NARS1: variants seen among roughly 807,000 people sequenced by gnomAD.
The protein encoded by NARS1 is asparaginyl-tRNA synthetase 1.
A neutral mutation model predicts 79.2 loss-of-function variants in NARS1; 65 were observed. That is an observed-to-expected ratio of 0.82 (90% CI 0.67 to 1.01). NARS1 has a LOEUF of 1.01. NARS1 is among the 50% of genes least tolerant of loss of function. The pLI is 0.00. For synonymous variants in NARS1, 229 were observed against 238.8 expected (o/e 0.96, Z 0.38); for missense variants, 649 against 673.8 (o/e 0.96, Z 0.41).
chr18:57,618,253 C>T (rs570961446), intron 2 of NARS1, among the ~76,000 whole-genome samples: 1 of 145,362 alleles, frequency 6.9e-6, no homozygotes, highest in Non-Finnish European at 1.5e-5. Context: ...CATGCCACTG[C>T]ACTCCAGCCT....
Position 57,602,832 on chromosome 18 carries a change from C to A in NARS1, c.1363G>T (p.Asp455Tyr). The A allele has an allele frequency of 6.2e-7, 1 of 1,614,084 alleles. No homozygotes were observed. Residue 455 changes from aspartate (D) to tyrosine (Y), a missense_variant, in exon 12 of 14, where the codon GAT (aspartate) becomes TAT (tyrosine). Transcript: ENST00000256854. ...KSFYMQRCPEDSRLTESVDVL... is the reference protein window; with the variant it reads ...KSFYMQRCPEYSRLTESVDVL... ...CTGACAGATTCAGTAAGACGGGAAT[C>A]CTCAGGACATCGCTGCATGTAGAAG...
At chr18:57,611,773 T>TAA (rs1389679271) in intron 5 of NARS1, 66 bp from the exon 6 acceptor site, 6 of 870,694 alleles carry the variant, frequency 6.9e-6, no homozygotes, top group Non-Finnish European at 9.6e-6. Flanking sequence ...TATATATATA[T>TAA]AATTTTAAAG....
Position 57,620,799 on chromosome 18 carries a change from C to G in NARS1, c.11-148G>C, listed in dbSNP as rs1283390833. The G allele has an allele frequency of 3.3e-5, 16 of 483,182 alleles. No homozygotes were observed. In the East Asian group the frequency reaches 4.9e-4, roughly 15 times the overall value. The allele number at this position is 483,182 out of a possible 1,614,324, so 29.9% of individuals were successfully genotyped here. A position where few individuals can be genotyped will look rare whatever the true frequency, so the allele number is the denominator to read the frequency against. ...AGTAATTAATATCCTAGTTATTTCC[C>G]CACTCCATTTCAATAACATCCATCT... On this transcript the variant is annotated intron_variant, in intron 1 of 13. Transcript: ENST00000256854.
At chr18:57,615,240 C>T (rs564874473) in intron 4 of NARS1, among the ~76,000 whole-genome samples, 2 of 152,124 alleles carry the variant, frequency 1.3e-5, no homozygotes, top group African/African-American at 2.4e-5. Flanking sequence ...CAGTGGCTCA[C>T]GCCTGTAATC....
At chr18:57,607,970 C>T (rs1249099436) in intron 7 of NARS1, among the ~76,000 whole-genome samples, 1 of 151,474 alleles carries the variant, frequency 6.6e-6, no homozygotes, top group African/African-American at 2.4e-5. Context: ...TGGGTTCAAG[C>T]GATTCTCCTA....
intron 13 of NARS1, 111 bp downstream of exon 13, chr18:57,602,244 C>T (rs2051513375): frequency 1.0e-6 from 1 of 990,092 alleles, no homozygotes; most frequent in Non-Finnish European, 1.5e-6. Flanking sequence ...CTGAATATAG[C>T]TCATTCAAAT....
In NARS1 at chr18:57,621,724, AGT is replaced by A. The variant is rs1908312946; in HGVS notation, c.-9_-8del. On this transcript the variant is annotated 5_prime_UTR_variant, in exon 1 of 14. Transcript: ENST00000256854. Reference sequence around the variant, plus strand: ...CTCACCCACCTAGCACCATGCCTGCAGTGGCCCTGGTCACCTCCAAGGACACA... The same window carrying A: ...CTCACCCACCTAGCACCATGCCTGCAGGCCCTGGTCACCTCCAAGGACACA... 1 of 1,613,732 alleles carries A rather than the reference AGT, an allele frequency of 6.2e-7. No individual in the cohort carries two copies. Among genetic ancestry groups the A allele is most frequent in the Non-Finnish European group, 8.5e-7 (1 of 1,179,896 alleles).
Position 57,611,691 on chromosome 18 carries a change from A to G in NARS1, c.438T>C (p.Phe146=). The G allele has an allele frequency of 6.3e-7, 1 of 1,591,604 alleles. No homozygotes were observed. The highest frequency in any genetic ancestry group is 8.6e-7 in the Non-Finnish European group (1 of 1,169,162). ...AACCTGTACCATCTCGCAACACCAG[A>G]AACATTAAATTCTTTCCTAAAAAAT... ...RLRRQGKNLM[F]LVLRDGTGYL... Residue 146 remains phenylalanine (F), a synonymous_variant, in exon 6 of 14, where the codon TTT becomes TTC. Transcript: ENST00000256854.
At chr18:57,601,928 G>T in intron 13 of NARS1, 145 bp from the exon 14 acceptor site, 1 of 771,496 alleles carries the variant, frequency 1.3e-6, no homozygotes, top group Non-Finnish European at 2.1e-6. Flanking sequence ...GCTCGTGCCT[G>T]TAATCCCAGC....
chr18:57,616,094 A>G, intron 2 of NARS1, 119 bp from the exon 3 acceptor site: 2 of 905,054 alleles, frequency 2.2e-6, no homozygotes, highest in Non-Finnish European at 3.3e-6. Flanking sequence ...CAACAGCCAA[A>G]AGCTGATATT....
At chr18:57,620,764 G>A in intron 1 of NARS1, 113 bp from the exon 2 acceptor site, 1 of 578,960 alleles carries the variant, frequency 1.7e-6, no homozygotes, top group Non-Finnish European at 3.0e-6. Context: ...AATAAAAATT[G>A]AGGTCCATAA....
intron 11 of NARS1, among the ~76,000 whole-genome samples, chr18:57,603,894 C>T (rs552608782): frequency 2.2e-4 from 31 of 140,466 alleles, no homozygotes; most frequent in Middle Eastern, 7.1e-3. Flanking sequence ...TATTTCATAC[C>T]CCCCAAAGCC....
rs554879775 is a variant in NARS1 at position 57,601,466 on chromosome 18, C to A, written c.*186G>T. On this transcript the variant is annotated 3_prime_UTR_variant, in exon 14 of 14. Transcript: ENST00000256854. ...CTTAAGAAAAAAATGGATATTTTTT[C>A]TTAAGATGACAACCTTAATATCACT... 1 of 517,772 alleles carries A rather than the reference C, an allele frequency of 1.9e-6. No individual in the cohort carries two copies. The highest frequency in any genetic ancestry group is 1.9e-5 in the African/African-American group (1 of 51,720). 32.1% of individuals were successfully genotyped at this position (517,772 alleles called of 1,614,324 possible).
intron 13 of NARS1, 77 bp downstream of exon 13, chr18:57,602,278 C>G (rs1568161863): frequency 7.3e-7 from 1 of 1,366,376 alleles, no homozygotes; most frequent in East Asian, 2.3e-5. Flanking sequence ...CCTGAATTCT[C>G]CCCTTTTAAA....
intron 12 of NARS1, 69 bp from the exon 13 acceptor site, chr18:57,602,555 T>A: frequency 6.5e-7 from 1 of 1,539,190 alleles, no homozygotes; most frequent in Non-Finnish European, 8.9e-7. Flanking sequence ...GCCCTAGAGT[T>A]TAAATGAAAA....
chr18:57,615,556 A>T, intron 4 of NARS1, 85 bp downstream of exon 4: 1 of 870,418 alleles, frequency 1.1e-6, no homozygotes, highest in Admixed American at 2.3e-5. Flanking sequence ...GTAAAGGAAC[A>T]AACCATGTGA....
rs2051630015 is a variant in NARS1, at chr18:57,614,377, T to C, written c.343-697A>G. On this transcript the variant is annotated intron_variant, in intron 4 of 13. Coordinates refer to ENST00000256854, the MANE Select transcript of NARS1 (RefSeq NM_004539.4). ...TTAGCCAGGCGTGGTGGCAGGCACC[T>C]GTAATCCCAGCTACTTGGGAGTCTG... is the stretch of plus-strand genomic sequence containing the variant. Among the ~76,000 whole-genome samples the C allele has an allele frequency of 2.6e-5, 4 of 152,124 alleles. No homozygotes were observed. In the South Asian group the frequency reaches 8.3e-4, roughly 32 times the overall value.
At chr18:57,610,314 A>C (rs113066178) in intron 6 of NARS1, among the ~76,000 whole-genome samples, 15,529 of 152,156 alleles carry the variant, frequency 0.1, 887 homozygotes, top group Non-Finnish European at 0.13. Context: ...TCTACTAAAA[A>C]TACAAAAGTT....
At position 57,601,647 on chromosome 18, in the gene NARS1, A is replaced by C. The variant is rs1319147634; in HGVS notation, c.*5T>G. Reference sequence around the variant, plus strand: ...ATCTTTCCTCCACGCTTCTGGAGAAAATGGTTATGGCGTGCAACGCTGGAC... The same window carrying C: ...ATCTTTCCTCCACGCTTCTGGAGAACATGGTTATGGCGTGCAACGCTGGAC... On this transcript the variant is annotated 3_prime_UTR_variant, in exon 14 of 14. Transcript: ENST00000256854. 5 of 1,613,148 alleles carry C rather than the reference A, an allele frequency of 3.1e-6. No homozygotes were observed. The highest frequency in any genetic ancestry group is 4.2e-6 in the Non-Finnish European group (5 of 1,179,426).
Sources: allele counts gnomAD v4.1 joint callset (sites outside exome capture counted in the v4.1 genomes callset), GRCh38; gene constraint gnomAD v4.1.1; transcripts MANE v1.5; gene names NCBI Gene and HGNC (gene_info 2026-07-23, HGNC 2026-07-21).